PBRM1: variants seen among roughly 807,000 people sequenced by gnomAD.
PBRM1 encodes the protein protein polybromo-1.
PBRM1 carries 27 observed loss-of-function variants against 194.5 expected under a neutral mutation model. That is an observed-to-expected ratio of 0.14 (90% CI 0.10 to 0.19). The LOEUF (loss-of-function observed/expected upper bound fraction) is 0.19. Ranked by LOEUF, PBRM1 falls within the 10% of genes least tolerant of loss-of-function variation. The probability of loss-of-function intolerance (pLI) is 1.00; values close to 1 mark genes in which losing one functional copy is unlikely to be tolerated. For missense variants in PBRM1, 1,466 were observed against 2,077.2 expected, an observed-to-expected ratio of 0.71 and a Z score of 5.72; for synonymous variants, 655 against 693.2, an observed-to-expected ratio of 0.94 and a Z score of 0.87.
chr3:52,662,135 C>T (rs1560914802), exon 4 of PBRM1: 1 of 1,613,760 alleles, frequency 6.2e-7, no homozygotes, highest in Non-Finnish European at 8.5e-7. Flanking sequence ...ACACTTACTC[C>T]TTCAGTCACT....
chr3:52,577,430 CAA>C (rs71084193), intron 21 of PBRM1, among the ~76,000 whole-genome samples: 2,656 of 65,428 alleles, frequency 0.041, 52 homozygotes, highest in African/African-American at 0.15. Flanking sequence ...GACAATGTCT[CAA>C]AAAAAAAAAA....
At chr3:52,579,298 GA>G (rs1193250807) in intron 20 of PBRM1, 99 bp from the exon 23 acceptor site, 54 of 1,148,416 alleles carry the variant, frequency 4.7e-5, no homozygotes, top group Non-Finnish European at 6.5e-5. Flanking sequence ...TAACTTAAAA[GA>G]AAAAACCACC....
At chr3:52,590,174 G>A (rs903567072) in intron 17 of PBRM1, among the ~76,000 whole-genome samples, 78 of 151,972 alleles carry the variant, frequency 5.1e-4, no homozygotes, top group African/African-American at 1.8e-3. Flanking sequence ...AGTACAGGCC[G>A]GTAGCGGCAG....
At chr3:52,650,660 A>C (rs1004016063) in intron 6 of PBRM1, among the ~76,000 whole-genome samples, 3 of 152,166 alleles carry the variant, frequency 2.0e-5, no homozygotes, top group African/African-American at 7.2e-5. Context: ...TGAGGACCTC[A>C]TGCTGTAGGT....
At chr3:52,548,399 T>G (rs1309085931) in intron 29 of PBRM1, among the ~76,000 whole-genome samples, 164 bp from the exon 32 acceptor site, 1 of 152,172 alleles carries the variant, frequency 6.6e-6, no homozygotes, top group East Asian at 1.9e-4. Context: ...CTTATATCAT[T>G]TTACTAGGCA....
intron 14 of PBRM1, among the ~76,000 whole-genome samples, chr3:52,616,555 T>C (rs1257466129): frequency 6.6e-6 from 1 of 152,062 alleles, no homozygotes; most frequent in Non-Finnish European, 1.5e-5. Flanking sequence ...TAGCTGGGCG[T>C]GGTGGTGGGC....
intron 20 of PBRM1, 57 bp from the exon 23 acceptor site, chr3:52,579,256 G>A: frequency 1.3e-6 from 2 of 1,492,692 alleles, no homozygotes; most frequent in East Asian, 2.3e-5. Context: ...AATAGAGAAG[G>A]TAAGAAACGA....
chr3:52,607,038 C>CTA (rs1463535534), intron 16 of PBRM1, among the ~76,000 whole-genome samples: 1 of 152,090 alleles, frequency 6.6e-6, no homozygotes, highest in African/African-American at 2.4e-5. Flanking sequence ...AGCATGAAGA[C>CTA]TCTTAGAGAT....
rs184111618 is a variant in PBRM1 at position 52,594,976 on chromosome 3, G to C, written c.2780-5721C>G. Among the ~76,000 whole-genome samples, 613 of 151,400 alleles carry C rather than the reference G, an allele frequency of 4.0e-3. 3 individuals are homozygous for C. The highest frequency in any genetic ancestry group is 0.023 in the South Asian group (110 of 4,822). Reference sequence around the variant, plus strand: ...CTGGGCTTCCCTTTGAAGGTGACCTGTCATTTTTTTCTTTCATTTTGACCT... The same window carrying C: ...CTGGGCTTCCCTTTGAAGGTGACCTCTCATTTTTTTCTTTCATTTTGACCT... On this transcript the variant is annotated intron_variant, in intron 17 of 29. Coordinates refer to ENST00000296302, the Ensembl canonical transcript of PBRM1.
At chr3:52,582,854 T>C (rs2153721254) in intron 20 of PBRM1, among the ~76,000 whole-genome samples, 1 of 151,892 alleles carries the variant, frequency 6.6e-6, no homozygotes, top group African/African-American at 2.4e-5. Flanking sequence ...TCCCAGTACT[T>C]TGGGAGGCCG....
chr3:52,653,028 A>C (rs2096538386), intron 5 of PBRM1, among the ~76,000 whole-genome samples: 1 of 152,152 alleles, frequency 6.6e-6, no homozygotes, highest in Non-Finnish European at 1.5e-5. Context: ...AAATTCACAG[A>C]ATTATACAAT....
At chr3:52,685,072 C>T (rs3733039) in intron 1 of PBRM1, among the ~76,000 whole-genome samples, 69,224 of 151,996 alleles carry the variant, frequency 0.46, 16,104 homozygotes, top group African/African-American at 0.52. Flanking sequence ...TAAAACAATT[C>T]ACCCCAACAT....
At chr3:52,550,453 T>C (rs2080674011) in exon 29 of PBRM1, 4 of 1,513,742 alleles carry the variant, frequency 2.6e-6, no homozygotes, top group Non-Finnish European at 3.5e-6. Context: ...GCTAATGCTG[T>C]TGGACTCCGC....
downstream of PBRM1, chr3:52,547,156 G>A (rs918093682): frequency 2.6e-5 from 6 of 232,808 alleles, no homozygotes; most frequent in African/African-American, 8.8e-5. Flanking sequence ...GTTTTTCAAT[G>A]TAACAGGTTT....
upstream of PBRM1, chr3:52,682,334 C>A (rs2097216576): frequency 6.7e-6 from 1 of 150,062 alleles, no homozygotes; most frequent in African/African-American, 2.5e-5. Flanking sequence ...TCCAAAAGTC[C>A]TATCTGCATT....
chr3:52,558,593 C>G (rs980406441), intron 25 of PBRM1, among the ~76,000 whole-genome samples, 180 bp from the exon 28 acceptor site: 3 of 152,190 alleles, frequency 2.0e-5, no homozygotes, highest in Non-Finnish European at 4.4e-5. Context: ...AACCTAGAGT[C>G]CAGCTTTCCT....
intron 15 of PBRM1, among the ~76,000 whole-genome samples, chr3:52,610,679 C>T (rs2094561273): frequency 6.6e-6 from 1 of 152,216 alleles, no homozygotes; most frequent in South Asian, 2.1e-4. Flanking sequence ...TGGCTCATGC[C>T]TGTAATCCCA....
At chr3:52,598,089 G>A (rs2093705480) in intron 17 of PBRM1, among the ~76,000 whole-genome samples, 1 of 152,138 alleles carries the variant, frequency 6.6e-6, no homozygotes, top group Non-Finnish European at 1.5e-5. Context: ...TCTCTGAATG[G>A]AAAACAACTT....
At chr3:52,682,105 G>A (rs777345981), upstream of PBRM1, 4 of 152,128 alleles carry the variant, frequency 2.6e-5, no homozygotes, top group Non-Finnish European at 4.4e-5. Flanking sequence ...AGGAATGACT[G>A]TCAATTCCAG....
Sources: gnomAD v4.1 joint callset for allele counts (sites outside exome capture counted in the v4.1 genomes callset) on GRCh38, gnomAD v4.1.1 for gene constraint, MANE v1.5 for transcripts, NCBI Gene and HGNC (gene_info 2026-07-23, HGNC 2026-07-21) for gene names.